EWSR1: variants seen among roughly 807,000 people sequenced by gnomAD.
EWSR1 encodes the protein RNA-binding protein EWS.
A neutral mutation model predicts 92.1 loss-of-function variants in EWSR1; 14 were observed. The observed-to-expected ratio is 0.15, with a 90% CI of 0.10 to 0.24. The LOEUF (loss-of-function observed/expected upper bound fraction) is 0.24, where lower values mean the gene tolerates loss of function less well. Ranked by LOEUF, EWSR1 falls within the 10% of genes least tolerant of loss-of-function variation. The pLI is 1.00. For missense variants in EWSR1, 637 were observed against 870.9 expected, an observed-to-expected ratio of 0.73 and a Z score of 3.38; for synonymous variants, 303 against 292.9, an observed-to-expected ratio of 1.03 and a Z score of -0.35.
At chr22:29,273,719 C>A (rs1244385307) in intron 3 of EWSR1, 22 bp from the exon 4 acceptor site, 21 of 1,599,588 alleles carry the variant, frequency 1.3e-5, no homozygotes, top group Non-Finnish European at 1.8e-5. Flanking sequence ...GAAGTTCTTG[C>A]ATTCGTTTTT....
At chr22:29,280,558 G>A (rs1042498461) in intron 5 of EWSR1, among the ~76,000 whole-genome samples, 1 of 152,114 alleles carries the variant, frequency 6.6e-6, no homozygotes, top group East Asian at 1.9e-4. Context: ...CTTGGGAGGG[G>A]TCTCTTTGCC....
intron 6 of EWSR1, among the ~76,000 whole-genome samples, chr22:29,285,162 T>G (rs533090770): frequency 3.4e-5 from 5 of 145,356 alleles, no homozygotes; most frequent in Non-Finnish European, 7.4e-5. Flanking sequence ...TTTGCTCTGT[T>G]GCCCAGGTTG....
chr22:29,272,869 A>T (rs897769233), intron 3 of EWSR1, among the ~76,000 whole-genome samples: 3 of 152,218 alleles, frequency 2.0e-5, no homozygotes, highest in Non-Finnish European at 2.9e-5. Context: ...CTAGCCAAGG[A>T]GCTGCTGAGC....
intron 6 of EWSR1, among the ~76,000 whole-genome samples, chr22:29,283,049 A>C (rs1035721318): frequency 1.3e-5 from 2 of 152,202 alleles, no homozygotes; most frequent in Non-Finnish European, 2.9e-5. Flanking sequence ...GGCGTGAGCC[A>C]CCGCACCCGG....
In EWSR1 at chr22:29,274,466, A is replaced by G. The variant is rs1222488462; in HGVS notation, c.226+602A>G. The G allele has an allele frequency of 5.3e-6, 3 of 570,446 alleles. No individual in the cohort carries two copies. The Admixed American group carries it at 9.3e-5, about 18-fold the overall frequency. 35.3% of individuals were successfully genotyped at this position (570,446 alleles called of 1,614,324 possible). On this transcript the variant is annotated intron_variant, in intron 4 of 16. Coordinates refer to ENST00000397938, the MANE Select transcript of EWSR1 (RefSeq NM_005243.4). ...AGATCCATGTCCTATTCTTTATATG[A>G]TTTTGGGAAAGGTTTTTTTATTTAA...
At chr22:29,295,232 T>G (rs896964081) in intron 11 of EWSR1, among the ~76,000 whole-genome samples, 1 of 152,116 alleles carries the variant, frequency 6.6e-6, no homozygotes, top group Non-Finnish European at 1.5e-5. Context: ...CTTTTTAATA[T>G]GTATATAACA....
intron 1 of EWSR1, among the ~76,000 whole-genome samples, chr22:29,271,886 CA>C (rs1370245893): frequency 6.6e-6 from 1 of 152,144 alleles, no homozygotes; most frequent in African/African-American, 2.4e-5. Context: ...ATCTTGTTGT[CA>C]GTCTGTGATA....
chr22:29,299,364 T>C lies in EWSR1; in HGVS notation c.1678+33T>C, dbSNP rs777184601. 7.5e-6 allele frequency: 12 copies of C among 1,599,236 alleles called. No individual in the cohort carries two copies. In the African/African-American group the frequency reaches 1.6e-4, roughly 21 times the overall value. ...CAGGTTTCATGAGTGTCCCCTCAGC[T>C]TCCTGGTGCTAAACCTCTTTTCTTA... On this transcript the variant is annotated intron_variant, in intron 15 of 16. Coordinates refer to ENST00000397938, the MANE Select transcript of EWSR1 (RefSeq NM_005243.4).
At position 29,298,005 on chromosome 22, in the gene EWSR1, C is replaced by G. The variant is rs528226790; in HGVS notation, c.1417+56C>G. 42 of 1,528,042 alleles carry G rather than the reference C, an allele frequency of 2.7e-5. No homozygotes were observed. In the East Asian group the frequency reaches 4.6e-4, roughly 17 times the overall value. The allele number at this position is 1,528,042 out of a possible 1,614,324, so 94.7% of individuals were successfully genotyped here. A position where few individuals can be genotyped will look rare whatever the true frequency, so the allele number is the denominator to read the frequency against. On this transcript the variant is annotated intron_variant, in intron 13 of 16. Transcript: ENST00000397938. ...AAAGGTTTTCAGTACACTTCATACC[C>G]TTGAGAAACTTGATTATTAGAGTGA...
At chr22:29,289,060 GA>G (rs1159484605) in intron 8 of EWSR1, 5 of 384,998 alleles carry the variant, frequency 1.3e-5, no homozygotes, top group Non-Finnish European at 2.3e-5. Context: ...ATGGTTTCCA[GA>G]GGTGAGAAGC....
chr22:29,298,991 AC>A (rs2061116472), intron 14 of EWSR1, 96 bp downstream of exon 14: 25 of 1,395,988 alleles, frequency 1.8e-5, no homozygotes, highest in Non-Finnish European at 2.2e-5. Flanking sequence ...GTCTAGAGGA[AC>A]AGAATGATGA....
At chr22:29,296,189 C>T (rs1243324970) in intron 11 of EWSR1, 50 bp from the exon 12 acceptor site, 8 of 1,562,686 alleles carry the variant, frequency 5.1e-6, no homozygotes, top group East Asian at 2.3e-5. Flanking sequence ...ACTTTTTTCT[C>T]CCAAATTAGT....
chr22:29,299,154 T>A (rs1305275809), intron 14 of EWSR1, 80 bp from the exon 15 acceptor site: 1 of 1,611,882 alleles, frequency 6.2e-7, no homozygotes, highest in African/African-American at 1.3e-5. Flanking sequence ...AGTGAGTGTG[T>A]ACCTGTTCAC....
intron 6 of EWSR1, among the ~76,000 whole-genome samples, chr22:29,283,501 A>G (rs972875259): frequency 6.6e-6 from 1 of 150,794 alleles, no homozygotes; most frequent in Non-Finnish European, 1.5e-5. Flanking sequence ...AGTGCATGCC[A>G]CCACACCTGA....
chr22:29,278,838 T>A lies in EWSR1; in HGVS notation c.413+622T>A, dbSNP rs1267432180. Among the ~76,000 whole-genome samples the A allele has an allele frequency of 1.0e-4, 13 of 128,700 alleles. No individual in the cohort carries two copies. The South Asian group carries it at 2.8e-3, about 28-fold the overall frequency. The allele number at this position is 128,700 out of a possible 152,430, so 84.4% of individuals were successfully genotyped here. ...AGACTCGGTCTCAAAAAAAAAAAAA[T>A]AGAAAAATTAGCTGGGCGTGGTGGC... On this transcript the variant is annotated intron_variant, in intron 5 of 16. Transcript: ENST00000397938.
chr22:29,284,656 C>T (rs1366712639), intron 6 of EWSR1, among the ~76,000 whole-genome samples: 1 of 151,118 alleles, frequency 6.6e-6, no homozygotes, highest in Non-Finnish European at 1.5e-5. Context: ...GAGACCGGGT[C>T]TCACTCTGTT....
chr22:29,282,299 G>C, intron 5 of EWSR1, 91 bp from the exon 6 acceptor site: 2 of 994,734 alleles, frequency 2.0e-6, no homozygotes, highest in Non-Finnish European at 2.9e-6. Context: ...ATTGCTCGTA[G>C]CTTTGTAGCA....
chr22:29,290,841 CA>C, intron 8 of EWSR1: 1 of 320,398 alleles, frequency 3.1e-6, no homozygotes, highest in East Asian at 5.7e-5. Flanking sequence ...TTAAAGAAAA[CA>C]AAATCTAACC....
At chr22:29,283,724 G>A (rs9613857) in intron 6 of EWSR1, among the ~76,000 whole-genome samples, 19,860 of 150,922 alleles carry the variant, frequency 0.13, 1,801 homozygotes, top group South Asian at 0.31. Context: ...AGTAGAGACA[G>A]GGTTTCACCA....
Sources: allele counts gnomAD v4.1 joint callset (sites outside exome capture counted in the v4.1 genomes callset), GRCh38; gene constraint gnomAD v4.1.1; transcripts MANE v1.5; gene names NCBI Gene and HGNC (gene_info 2026-07-23, HGNC 2026-07-21).